OLFM3: variants seen among roughly 807,000 people sequenced by gnomAD.
OLFM3 encodes noelin-3.
OLFM3 carries 20 observed loss-of-function variants against 48.6 expected under a neutral mutation model. That is an observed-to-expected ratio of 0.41 (90% CI 0.29 to 0.60). OLFM3 has a LOEUF of 0.60. Among genes scored for constraint, OLFM3 ranks in the 20% least tolerant of loss-of-function variants. The pLI is 0.28. For missense variants in OLFM3, 437 were observed against 544.3 expected (o/e 0.80, Z 1.96); for synonymous variants, 222 against 198.1 (o/e 1.12, Z -1.01).
rs549814878 is a variant in OLFM3, at chr1:101,803,365, A to T, written c.*873T>A. 2.6e-5 allele frequency: 4 copies of T among 152,238 alleles called. No individual in the cohort carries two copies. Among genetic ancestry groups the T allele is most frequent in the African/African-American group, 9.6e-5 (4 of 41,508 alleles). The allele number at this position is 152,238 out of a possible 1,614,324, so 9.4% of individuals were successfully genotyped here. On this transcript the variant is annotated 3_prime_UTR_variant, in exon 6 of 6. Transcript: ENST00000370103. ...CCAGATGCACCTTGTGCAAGAAACT[A>T]TATGGGTTGCATTCAGTGGAGTGAA...
intron 1 of OLFM3, among the ~76,000 whole-genome samples, chr1:101,933,777 C>A (rs189496605): frequency 3.9e-5 from 6 of 152,150 alleles, no homozygotes; most frequent in Admixed American, 1.3e-4. Flanking sequence ...CAACAGAAAC[C>A]CTACAAGCAA....
intron 1 of OLFM3, chr1:101,909,955 T>A: frequency 1.0e-6 from 1 of 985,196 alleles, no homozygotes; most frequent in Non-Finnish European, 1.2e-6. Context: ...CATCCAATAA[T>A]CTTCAAGGTA....
At chr1:101,967,158 A>G (rs1186681511) in intron 1 of OLFM3, among the ~76,000 whole-genome samples, 1 of 152,160 alleles carries the variant, frequency 6.6e-6, no homozygotes, top group African/African-American at 2.4e-5. Flanking sequence ...GGATTTCAAT[A>G]TACTATATCT....
At chr1:101,917,881 C>T (rs1471063101) in intron 1 of OLFM3, among the ~76,000 whole-genome samples, 2 of 152,042 alleles carry the variant, frequency 1.3e-5, no homozygotes, top group Non-Finnish European at 2.9e-5. Context: ...TAATGTTCAG[C>T]CATTACAGTG....
chr1:101,974,919 G>T (rs929287880), intron 1 of OLFM3, among the ~76,000 whole-genome samples: 1 of 152,078 alleles, frequency 6.6e-6, no homozygotes, highest in Non-Finnish European at 1.5e-5. Context: ...GTTCTTCAGG[G>T]TTCTTTATTC....
intron 1 of OLFM3, chr1:101,847,081 C>A: frequency 7.0e-7 from 1 of 1,425,372 alleles, no homozygotes; most frequent in Non-Finnish European, 9.3e-7. Flanking sequence ...GAAAAGAGAT[C>A]AACTTCCCCA....
intron 1 of OLFM3, among the ~76,000 whole-genome samples, chr1:101,879,228 C>T (rs961004420): frequency 6.6e-6 from 1 of 151,798 alleles, no homozygotes; most frequent in African/African-American, 2.4e-5. Context: ...TTACTAAACA[C>T]TACATTTTTT....
intron 4 of OLFM3, chr1:101,812,784 G>C: frequency 1.0e-6 from 1 of 989,546 alleles, no homozygotes; most frequent in South Asian, 4.6e-5. Context: ...GGGTGACCAT[G>C]GTAAAGTGGT....
intron 1 of OLFM3, among the ~76,000 whole-genome samples, chr1:101,837,401 A>G (rs1231958854): frequency 1.3e-5 from 2 of 152,132 alleles, no homozygotes; most frequent in Non-Finnish European, 2.9e-5. Flanking sequence ...GTAAATGACA[A>G]TTACTAATAT....
At chr1:101,893,270 C>T in intron 1 of OLFM3, 1 of 348,296 alleles carries the variant, frequency 2.9e-6, no homozygotes, top group South Asian at 2.7e-5. Flanking sequence ...AGGAACAGTA[C>T]AGTGCTGTCA....
chr1:101,923,374 A>T (rs1659161852), intron 1 of OLFM3, among the ~76,000 whole-genome samples: 1 of 152,212 alleles, frequency 6.6e-6, no homozygotes, highest in Non-Finnish European at 1.5e-5. Flanking sequence ...TATAATTTCA[A>T]TCCAATTACT....
chr1:101,924,134 T>C (rs1341888811), intron 1 of OLFM3, among the ~76,000 whole-genome samples: 4 of 152,162 alleles, frequency 2.6e-5, no homozygotes, highest in African/African-American at 9.6e-5. Flanking sequence ...ATATTTTGCT[T>C]AGAAAATGAA....
intron 1 of OLFM3, among the ~76,000 whole-genome samples, chr1:101,843,306 T>C (rs1032849981): frequency 6.6e-5 from 10 of 152,180 alleles, no homozygotes; most frequent in African/African-American, 2.2e-4. Context: ...GGGTGTCTGC[T>C]GAATGTCCTC....
chr1:101,825,079 T>A lies in OLFM3; in HGVS notation c.539A>T (p.His180Leu), dbSNP rs774188619. 1.2e-5 allele frequency: 20 copies of A among 1,614,004 alleles called. No homozygotes were observed. The highest frequency in any genetic ancestry group is 1.2e-4 in the South Asian group (11 of 91,090). The stretch of plus-strand genomic sequence containing the variant: ...TGTTTCCAAGCTCAGCACTCTTTGG[T>A]GTAGTTCCTCGTAGTCATAGGCACC... ...EIGAYDYEELHQRVLSLETRL... is the reference protein window; with the variant it reads ...EIGAYDYEELLQRVLSLETRL... Residue 180 changes from histidine to leucine, a missense_variant, in exon 4 of 6, where the codon CAC becomes CTC. His to Leu is a moderately conservative substitution (Grantham distance 99). This residue lies in a region of OLFM3 where 314 missense variants were observed against 365.5 expected (regional missense o/e 0.86). Transcript: ENST00000370103.
In OLFM3 at chr1:101,803,711, T is replaced by TA. The variant is rs2100854790; in HGVS notation, c.*526dup. The TA allele has an allele frequency of 6.6e-6, 1 of 152,596 alleles. No homozygotes were observed. The highest frequency in any genetic ancestry group is 1.9e-4 in the East Asian group (1 of 5,144). The allele number at this position is 152,596 out of a possible 1,614,324, so 9.5% of individuals were successfully genotyped here. A position where few individuals can be genotyped will look rare whatever the true frequency, so the allele number is the denominator to read the frequency against. On this transcript the variant is annotated 3_prime_UTR_variant, in exon 6 of 6. Coordinates refer to ENST00000370103, the MANE Select transcript of OLFM3 (RefSeq NM_058170.4). Reference sequence around the variant, plus strand: ...TTAGCAAGAGATTTAAAAATGACTGTACAGCACCGCATCAGAGAATTGTGT... The same window carrying TA: ...TTAGCAAGAGATTTAAAAATGACTGTAACAGCACCGCATCAGAGAATTGTGT...
intron 1 of OLFM3, among the ~76,000 whole-genome samples, chr1:101,913,383 T>C (rs1442376852): frequency 6.6e-6 from 1 of 152,152 alleles, no homozygotes; most frequent in Non-Finnish European, 1.5e-5. Flanking sequence ...TTGCACTTCT[T>C]GGAAAAGGAG....
At chr1:101,887,209 A>C (rs1451150264) in intron 1 of OLFM3, among the ~76,000 whole-genome samples, 1 of 151,874 alleles carries the variant, frequency 6.6e-6, no homozygotes, top group Non-Finnish European at 1.5e-5. Context: ...AAAAATTTAA[A>C]GAGTTGACTC....
At chr1:101,950,034 A>AAC (rs202095849) in intron 1 of OLFM3, among the ~76,000 whole-genome samples, 10,119 of 150,032 alleles carry the variant, frequency 0.067, 402 homozygotes, top group South Asian at 0.14. Flanking sequence ...TCTTAAAAAA[A>AAC]AAAAAAAAAA....
At chr1:101,912,217 T>C (rs1298640078) in intron 1 of OLFM3, among the ~76,000 whole-genome samples, 1 of 152,204 alleles carries the variant, frequency 6.6e-6, no homozygotes, top group Non-Finnish European at 1.5e-5. Context: ...TGCTATCTTT[T>C]GGAATACCTG....
Sources: allele counts gnomAD v4.1 joint callset (sites outside exome capture counted in the v4.1 genomes callset), GRCh38; gene constraint gnomAD v4.1.1; regional missense constraint gnomAD v4.1.1; transcripts MANE v1.5; gene names NCBI Gene and HGNC (gene_info 2026-07-23, HGNC 2026-07-21).